Variants in VPS50 observed in about 807,000 individuals in gnomAD.
VPS50 encodes the protein syndetin.
In VPS50, 70 loss-of-function variants were observed where a neutral mutation model predicts 139.7. The observed-to-expected ratio is 0.50, with a 90% CI of 0.41 to 0.61. VPS50 has a LOEUF of 0.61. VPS50 is among the 20% of genes least tolerant of loss of function. VPS50 has a pLI of 0.00. For synonymous variants in VPS50, 365 were observed against 376.7 expected, an observed-to-expected ratio of 0.97 and a Z score of 0.36; for missense variants, 921 against 1,133.7, an observed-to-expected ratio of 0.81 and a Z score of 2.69.
chr7:93,323,703 A>G lies in VPS50; in HGVS notation c.1948A>G (p.Ile650Val), dbSNP rs780886247. Reference sequence around the variant, plus strand: ...ACTATTTGATTATTACTTGTATGCAATATATACCTTTTTTGGTCGGAATGA... The same window carrying G: ...ACTATTTGATTATTACTTGTATGCAGTATATACCTTTTTTGGTCGGAATGA... ...SQLFDYYLYA[I>V]YTFFGRNDSL... Residue 650 changes from isoleucine (I) to valine (V), a missense_variant, in exon 21 of 28, where the codon ATA becomes GTA. By Grantham distance (29) the Ile-to-Val change is conservative (BLOSUM62 3). This residue lies in a region of VPS50 where 744 missense variants were observed against 930.6 expected (regional missense o/e 0.80). Coordinates refer to ENST00000305866, the MANE Select transcript of VPS50 (RefSeq NM_017667.4). 15 of 1,429,998 alleles carry G rather than the reference A, an allele frequency of 1.0e-5. No individual in the cohort carries two copies. Among genetic ancestry groups the G allele is most frequent in the Non-Finnish European group, 1.4e-5 (15 of 1,065,190 alleles). 88.6% of individuals were successfully genotyped at this position (1,429,998 alleles called of 1,614,324 possible).
At chr7:93,346,047 T>G (rs1366181712) in intron 23 of VPS50, among the ~76,000 whole-genome samples, 4 of 152,224 alleles carry the variant, frequency 2.6e-5, no homozygotes. Context: ...TGTCCCTGTT[T>G]GCAGACGACA....
At chr7:93,354,840 T>C (rs1009930113) in intron 26 of VPS50, among the ~76,000 whole-genome samples, 3 of 152,178 alleles carry the variant, frequency 2.0e-5, no homozygotes, top group African/African-American at 4.8e-5. Flanking sequence ...TCAAAGACCC[T>C]GTACAGTGCT....
intron 14 of VPS50, among the ~76,000 whole-genome samples, 169 bp from the exon 15 acceptor site, chr7:93,296,573 C>T (rs1796816920): frequency 6.6e-6 from 1 of 152,142 alleles, no homozygotes; most frequent in African/African-American, 2.4e-5. Flanking sequence ...ATGGGATTGT[C>T]TCTATTACAT....
At chr7:93,310,922 G>A (rs1584456108) in intron 19 of VPS50, among the ~76,000 whole-genome samples, 1 of 152,004 alleles carries the variant, frequency 6.6e-6, no homozygotes, top group Non-Finnish European at 1.5e-5. Context: ...AAGAGATGTA[G>A]CTTTTTTAGT....
chr7:93,319,955 A>G lies in VPS50; in HGVS notation c.1856-3656A>G, dbSNP rs1409372953. ...TATATTCTTTTTTGGATAATCTTTTATTACTGAGAAATTTAATTATTATAT... is the reference window on the plus strand; with the variant it reads ...TATATTCTTTTTTGGATAATCTTTTGTTACTGAGAAATTTAATTATTATAT... On this transcript the variant is annotated intron_variant, in intron 20 of 27. Transcript: ENST00000305866. Among the ~76,000 whole-genome samples, 3 of 151,846 alleles carry G rather than the reference A, an allele frequency of 2.0e-5. No individual in the cohort carries two copies. In the East Asian group the frequency reaches 5.8e-4, roughly 29 times the overall value.
intron 9 of VPS50, among the ~76,000 whole-genome samples, chr7:93,267,370 T>C (rs1335620448): frequency 1.3e-5 from 2 of 152,184 alleles, no homozygotes; most frequent in African/African-American, 2.4e-5. Flanking sequence ...GTGTGGTTCT[T>C]CTAAAACATT....
At chr7:93,243,572 C>A (rs1376586255) in intron 2 of VPS50, among the ~76,000 whole-genome samples, 2 of 151,902 alleles carry the variant, frequency 1.3e-5, no homozygotes, top group African/African-American at 4.8e-5. Context: ...GAAATGGATT[C>A]TGTTATGTTT....
intron 5 of VPS50, 140 bp from the exon 6 acceptor site, chr7:93,257,254 A>G (rs988643844): frequency 8.9e-6 from 5 of 561,200 alleles, no homozygotes; most frequent in Admixed American, 7.0e-5. Flanking sequence ...ATAGTTTTCA[A>G]GTTCAGGTAT....
chr7:93,336,675 G>A (rs927575039), intron 22 of VPS50, among the ~76,000 whole-genome samples: 8 of 151,990 alleles, frequency 5.3e-5, no homozygotes, highest in African/African-American at 1.7e-4. Context: ...CACCACGCCC[G>A]GCTAGTTTTT....
chr7:93,332,258 T>A (rs555477206), intron 21 of VPS50, among the ~76,000 whole-genome samples: 1 of 152,360 alleles, frequency 6.6e-6, no homozygotes, highest in Non-Finnish European at 1.5e-5. Context: ...GCTTTCTGCC[T>A]GTGTCTTCAC....
chr7:93,294,693 GT>G, intron 14 of VPS50, 57 bp downstream of exon 14: 2 of 1,348,212 alleles, frequency 1.5e-6, no homozygotes, highest in South Asian at 2.7e-5. Flanking sequence ...TCATGTCATA[GT>G]TTTAGAAATT....
chr7:93,351,110 G>A (rs901562153), intron 25 of VPS50, among the ~76,000 whole-genome samples: 7 of 152,126 alleles, frequency 4.6e-5, no homozygotes, highest in Non-Finnish European at 1.0e-4. Context: ...GTTGAAGACT[G>A]TGAGGCTGTC....
rs192468725 is a variant in VPS50, at chr7:93,276,556, T to C, written c.942+251T>C. 2,206 of 435,704 alleles carry C rather than the reference T, an allele frequency of 5.1e-3. 10 individuals are homozygous for C. The highest frequency in any genetic ancestry group is 6.8e-3 in the Non-Finnish European group (1,790 of 264,616). The allele number at this position is 435,704 out of a possible 1,614,324, so 27.0% of individuals were successfully genotyped here. ...CGACTCTTTACCATTTCATAGCTTC[T>C]TTTACCCATCTCTCTCAGGCTCCAA... On this transcript the variant is annotated intron_variant, in intron 12 of 27. Transcript: ENST00000305866.
rs1798782658 is a variant in VPS50, at chr7:93,359,060, G to A, written c.*624G>A. On this transcript the variant is annotated 3_prime_UTR_variant, in exon 28 of 28. Coordinates refer to ENST00000305866, the MANE Select transcript of VPS50 (RefSeq NM_017667.4). ...TACATTTTGATTTTTTGTGTGGCAT[G>A]CAGATGTCATGAACTATAGTGCAGC... is the stretch of plus-strand genomic sequence containing the variant. The A allele has an allele frequency of 6.6e-6, 1 of 152,070 alleles. No individual in the cohort carries two copies. The highest frequency in any genetic ancestry group is 2.1e-4 in the South Asian group (1 of 4,826). 9.4% of individuals were successfully genotyped at this position (152,070 alleles called of 1,614,324 possible). A position where few individuals can be genotyped will look rare whatever the true frequency, so the allele number is the denominator to read the frequency against.
intron 12 of VPS50, chr7:93,276,523 T>C (rs928719272): frequency 1.6e-6 from 1 of 619,116 alleles, no homozygotes; most frequent in East Asian, 3.2e-5. Flanking sequence ...GCATGATTGC[T>C]TCTCAATCGA....
At chr7:93,303,916 T>C (rs1289132065) in intron 17 of VPS50, among the ~76,000 whole-genome samples, 1 of 151,880 alleles carries the variant, frequency 6.6e-6, no homozygotes, top group Non-Finnish European at 1.5e-5. Context: ...ATACAAATGC[T>C]TATTTATATT....
intron 20 of VPS50, chr7:93,323,121 T>TCTTC (rs1670621249): frequency 1.3e-5 from 2 of 152,326 alleles, no homozygotes; most frequent in South Asian, 4.1e-4. Context: ...GTATCATTTT[T>TCTTC]CTTCTTGCTT....
intron 23 of VPS50, among the ~76,000 whole-genome samples, chr7:93,346,521 A>T (rs1355872707): frequency 1.3e-5 from 2 of 152,236 alleles, no homozygotes; most frequent in Non-Finnish European, 1.5e-5. Context: ...CGCCAAGTCC[A>T]TCCTGAGCCA....
chr7:93,300,786 AACTG>A (rs1236252559), intron 16 of VPS50, among the ~76,000 whole-genome samples: 1 of 151,776 alleles, frequency 6.6e-6, no homozygotes, highest in Non-Finnish European at 1.5e-5. Flanking sequence ...TTGTTTTACT[AACTG>A]AGAAAAATAT....
Sources: gnomAD v4.1 joint callset for allele counts (sites outside exome capture counted in the v4.1 genomes callset) on GRCh38, gnomAD v4.1.1 for gene constraint, gnomAD v4.1.1 regional missense constraint, MANE v1.5 for transcripts, NCBI Gene and HGNC (gene_info 2026-07-23, HGNC 2026-07-21) for gene names.